The following GRID2 variants were observed in gnomAD, a reference collection of about 807,000 sequenced individuals.
The protein encoded by GRID2 is glutamate ionotropic receptor delta type subunit 2.
Under a neutral mutation model 114.8 loss-of-function variants are expected in GRID2, and 33 were observed. The observed-to-expected ratio is 0.29, with a 90% CI of 0.22 to 0.38. GRID2 has a LOEUF of 0.38. GRID2 is among the 10% of genes least tolerant of loss of function. The pLI is 1.00. For missense variants in GRID2, 1,184 were observed against 1,257.7 expected, an observed-to-expected ratio of 0.94 and a Z score of 0.89; for synonymous variants, 505 against 449.9, an observed-to-expected ratio of 1.12 and a Z score of -1.55.
chr4:93,197,790 T>C (rs1233520779), intron 4 of GRID2, among the ~76,000 whole-genome samples: 3 of 152,170 alleles, frequency 2.0e-5, no homozygotes, highest in African/African-American at 7.2e-5. Flanking sequence ...GCATTTGAAT[T>C]CAAGCCCATT....
chr4:92,893,320 G>C (rs1746924539), intron 2 of GRID2, among the ~76,000 whole-genome samples: 1 of 152,148 alleles, frequency 6.6e-6, no homozygotes, highest in South Asian at 2.1e-4. Flanking sequence ...TTAACCATCT[G>C]CTCCTTCTTG....
At chr4:93,131,805 A>G (rs1181556315) in intron 4 of GRID2, among the ~76,000 whole-genome samples, 1 of 152,112 alleles carries the variant, frequency 6.6e-6, no homozygotes, top group Non-Finnish European at 1.5e-5. Context: ...ATAAAATTTG[A>G]GACATTCAGT....
In GRID2 at chr4:92,590,245, C is replaced by T. The variant is rs34144324; in HGVS notation, c.203C>T (p.Thr68Met). The T allele has an allele frequency of 0.042, 68,318 of 1,612,220 alleles. 1,615 individuals carry two copies. The highest frequency in any genetic ancestry group is 0.061 in the Middle Eastern group (369 of 6,060). The change falls in exon 2 of 16, where the codon ACG becomes ATG. Residue 68 changes from threonine to methionine, a missense_variant. Transcript: ENST00000282020. ...LQTEKITFSVTFVDGNNPFQA... is the reference protein window; with the variant it reads ...LQTEKITFSVMFVDGNNPFQA... ...ACTGAGAAAATCACATTTTCAGTGA[C>T]GTTTGTTGATGGCAACAACCCTTTC...
intron 13 of GRID2, among the ~76,000 whole-genome samples, chr4:93,603,456 C>T (rs944177089): frequency 2.0e-5 from 3 of 152,074 alleles, no homozygotes; most frequent in South Asian, 2.1e-4. Context: ...GGAAAGAAGC[C>T]GTCTCCATAA....
At chr4:93,076,140 A>C (rs1729273159) in intron 2 of GRID2, among the ~76,000 whole-genome samples, 1 of 151,880 alleles carries the variant, frequency 6.6e-6, no homozygotes, top group South Asian at 2.1e-4. Context: ...CCTAGTGATC[A>C]GCCTGCCTCA....
intron 8 of GRID2, among the ~76,000 whole-genome samples, chr4:93,271,083 T>C (rs1323753823): frequency 6.6e-6 from 1 of 152,212 alleles, no homozygotes; most frequent in African/African-American, 2.4e-5. Context: ...GCAGTGTTTA[T>C]GTGGAAATTA....
intron 1 of GRID2, among the ~76,000 whole-genome samples, chr4:92,484,309 A>G (rs2149107597): frequency 6.6e-6 from 1 of 152,332 alleles, no homozygotes; most frequent in South Asian, 2.1e-4. Flanking sequence ...ATAATGATTC[A>G]GTAATTCCCT....
intron 4 of GRID2, among the ~76,000 whole-genome samples, chr4:93,179,068 G>C (rs886602802): frequency 6.6e-6 from 1 of 152,140 alleles, no homozygotes; most frequent in African/African-American, 2.4e-5. Flanking sequence ...GATGGGTTTA[G>C]TAAAATGTAG....
chr4:93,622,006 G>A (rs1420904047), intron 13 of GRID2, among the ~76,000 whole-genome samples: 3 of 152,130 alleles, frequency 2.0e-5, no homozygotes, highest in Admixed American at 1.3e-4. Context: ...CTACTGGGGA[G>A]GTCCCTTGAG....
At chr4:93,553,452 G>A (rs1232175741) in intron 13 of GRID2, among the ~76,000 whole-genome samples, 1 of 152,104 alleles carries the variant, frequency 6.6e-6, no homozygotes, top group South Asian at 2.1e-4. Context: ...AGGTTTATAC[G>A]TATTATAGTT....
chr4:92,688,363 C>G (rs977903613), intron 2 of GRID2, among the ~76,000 whole-genome samples: 2 of 151,936 alleles, frequency 1.3e-5, no homozygotes, highest in Admixed American at 1.3e-4. Context: ...TCTTCTTTCA[C>G]AAAAGATTTC....
chr4:93,364,346 A>G (rs1762144843), intron 8 of GRID2, among the ~76,000 whole-genome samples: 1 of 152,120 alleles, frequency 6.6e-6, no homozygotes, highest in Non-Finnish European at 1.5e-5. Flanking sequence ...TTTGCCTGTG[A>G]CTTAGTGAGC....
chr4:93,423,000 T>C (rs1173335106), intron 10 of GRID2, 32 bp downstream of exon 10: 1 of 1,428,908 alleles, frequency 7.0e-7, no homozygotes, highest in Non-Finnish European at 9.9e-7. Flanking sequence ...TGTCTCATAC[T>C]TAAAGGTTCA....
intron 13 of GRID2, among the ~76,000 whole-genome samples, chr4:93,519,750 C>T (rs984184800): frequency 2.6e-5 from 4 of 152,134 alleles, no homozygotes; most frequent in African/African-American, 9.7e-5. Flanking sequence ...GGGATGTACA[C>T]TCAAATGGAT....
intron 2 of GRID2, among the ~76,000 whole-genome samples, chr4:92,923,932 A>G (rs1749584566): frequency 6.6e-6 from 1 of 152,312 alleles, no homozygotes; most frequent in African/African-American, 2.4e-5. Context: ...TCATGCTGCT[A>G]TAAAGACACA....
chr4:93,119,644 T>C (rs770656601), intron 4 of GRID2, among the ~76,000 whole-genome samples: 3 of 152,216 alleles, frequency 2.0e-5, no homozygotes, highest in Non-Finnish European at 2.9e-5. Context: ...AAACATACTT[T>C]ATGAAATAGT....
In GRID2 at chr4:92,505,509, A is replaced by G. The variant is rs186016258; in HGVS notation, c.89-84622A>G. On this transcript the variant is annotated intron_variant, in intron 1 of 15. Coordinates refer to ENST00000282020, the MANE Select transcript of GRID2 (RefSeq NM_001510.4). ...ACAGCATAGTGATAAAATTTTGCAC[A>G]GTCAATGGTCATGATGCCCACGGGT... is the stretch of plus-strand genomic sequence containing the variant. Among the ~76,000 whole-genome samples the G allele has an allele frequency of 1.1e-4, 17 of 152,148 alleles. No individual in the cohort carries two copies. The East Asian group carries it at 3.3e-3, about 29-fold the overall frequency.
intron 13 of GRID2, among the ~76,000 whole-genome samples, chr4:93,575,978 C>A (rs1290377795): frequency 6.6e-6 from 1 of 152,052 alleles, no homozygotes; most frequent in Non-Finnish European, 1.5e-5. Flanking sequence ...TGAGTTTGGG[C>A]AGTCTTATTT....
intron 2 of GRID2, among the ~76,000 whole-genome samples, chr4:92,875,149 GTTTTTTTTTT>G (rs36120160): frequency 1.2e-5 from 1 of 84,992 alleles, no homozygotes; most frequent in Non-Finnish European, 2.3e-5. Flanking sequence ...AACTCAAAAG[GTTTTTTTTTT>G]TTTTTTTTTT....
Sources: gnomAD v4.1 joint callset for allele counts (sites outside exome capture counted in the v4.1 genomes callset) on GRCh38, gnomAD v4.1.1 for gene constraint, MANE v1.5 for transcripts, NCBI Gene and HGNC (gene_info 2026-07-23, HGNC 2026-07-21) for gene names.